The following TBC1D10B variants were observed in gnomAD, a reference collection of about 807,000 sequenced individuals.
TBC1D10B encodes Rab27A-GAPbeta.
In TBC1D10B, 25 loss-of-function variants were observed where a neutral mutation model predicts 78.4. The observed-to-expected ratio is 0.32, with a 90% confidence interval of 0.23 to 0.45. The LOEUF is 0.45. Among genes scored for constraint, TBC1D10B ranks in the 20% least tolerant of loss-of-function variants. The pLI is 1.00. For missense variants in TBC1D10B, 996 were observed against 1,104.8 expected (o/e 0.90, Z 1.40); for synonymous variants, 517 against 478.0 (o/e 1.08, Z -1.06).
intron 4 of TBC1D10B, among the ~76,000 whole-genome samples, chr16:30,362,806 G>C (rs2049607655): frequency 6.6e-6 from 1 of 152,190 alleles, no homozygotes. Flanking sequence ...GGAGGCCGAG[G>C]TGAGCAGATC....
At chr16:30,368,902 C>T (rs1293835256) in intron 1 of TBC1D10B, among the ~76,000 whole-genome samples, 1 of 152,156 alleles carries the variant, frequency 6.6e-6, no homozygotes, top group Non-Finnish European at 1.5e-5. Context: ...GCAGGGATGA[C>T]CTCAGGTATC....
rs768222938 is a variant in TBC1D10B, at chr16:30,364,889, G to A, written c.1271+11C>T. On this transcript the variant is annotated intron_variant, in intron 4 of 8. Coordinates refer to ENST00000409939, the MANE Select transcript of TBC1D10B (RefSeq NM_015527.4). ...GTTTGCTGACTGACCCCCATGGTCC[G>A]GCCACCTTACCCATGCCCCCCTCGA... The A allele has an allele frequency of 5.6e-5, 90 of 1,598,982 alleles. No individual in the cohort carries two copies. Among genetic ancestry groups the A allele is most frequent in the South Asian group, 4.5e-4 (40 of 88,356 alleles).
rs1165177519 is a variant in TBC1D10B at position 30,366,150 on chromosome 16, G to A, written c.957-556C>T. On this transcript the variant is annotated intron_variant, in intron 1 of 8. Transcript: ENST00000409939. ...GAGGCAAGAGGATCACTTGAGGCCAGGAGTTCAAGGCCAGCCTGGGCAACA... is the reference window on the plus strand; with the variant it reads ...GAGGCAAGAGGATCACTTGAGGCCAAGAGTTCAAGGCCAGCCTGGGCAACA... 21 of 153,128 alleles carry A rather than the reference G, an allele frequency of 1.4e-4. 1 individual carries two copies. The highest frequency in any genetic ancestry group is 1.4e-3 in the Admixed American group (21 of 15,436). 9.5% of individuals were successfully genotyped at this position (153,128 alleles called of 1,614,324 possible).
chr16:30,365,637 G>C lies in TBC1D10B; in HGVS notation c.957-43C>G, dbSNP rs750071405. The C allele has an allele frequency of 3.8e-6, 6 of 1,587,472 alleles. No individual in the cohort carries two copies. The African/African-American group carries it at 4.0e-5, about 11-fold the overall frequency. ...CACGGAAGGGGTCAGTAGCAATAGT[G>C]TAAAACCTGCATTGCAGGGGGAACT... On this transcript the variant is annotated intron_variant, in intron 1 of 8. Transcript: ENST00000409939. This position sits in a 1 kb window ranked among gnomAD's most constrained non-coding sequence, Gnocchi z 5.0.
chr16:30,369,665 G>C lies in TBC1D10B; in HGVS notation c.519C>G (p.Pro173=). The change falls in exon 1 of 9, where the codon CCC becomes CCG. Residue 173 remains proline (P), a synonymous_variant. Coordinates refer to ENST00000409939, the MANE Select transcript of TBC1D10B (RefSeq NM_015527.4). This position sits in a 1 kb window ranked among gnomAD's most constrained non-coding sequence, Gnocchi z 4.3. ...CTGAGGCCACTGTGGTTCCCGGCTT[G>C]GGGGCAAGCGGGGGTTTGGCGGTCA... The part of the protein sequence containing the change: ...GALTAKPPLA[P]KPGTTVASGV... 6.5e-7 allele frequency: 1 copy of C among 1,531,534 alleles called. No individual in the cohort carries two copies. The highest frequency in any genetic ancestry group is 1.2e-5 in the South Asian group (1 of 81,764). The allele number at this position is 1,531,534 out of a possible 1,614,324, so 94.9% of individuals were successfully genotyped here. A position where few individuals can be genotyped will look rare whatever the true frequency, so the allele number is the denominator to read the frequency against.
At chr16:30,361,051 A>G (rs939912696) in intron 4 of TBC1D10B, among the ~76,000 whole-genome samples, 17 of 152,140 alleles carry the variant, frequency 1.1e-4, no homozygotes, top group Non-Finnish European at 7.4e-5. Context: ...TTGGGAGGCC[A>G]AGGTGGGTGG....
chr16:30,368,496 AG>A (rs1396806418), intron 1 of TBC1D10B, among the ~76,000 whole-genome samples: 1 of 152,186 alleles, frequency 6.6e-6, no homozygotes, highest in Non-Finnish European at 1.5e-5. Context: ...AAAGGGGCAC[AG>A]GAACAACGGG....
chr16:30,359,593 C>T lies in TBC1D10B; in HGVS notation c.1397G>A (p.Trp466Ter). 6.4e-7 allele frequency: 1 copy of T among 1,561,830 alleles called. No individual in the cohort carries two copies. The highest frequency in any genetic ancestry group is 8.7e-7 in the Non-Finnish European group (1 of 1,153,028). Residue 466 changes from tryptophan (W) to a stop codon, truncating the protein, a stop_gained, in exon 6 of 9, where the codon TGG becomes TAG. Coordinates refer to ENST00000409939, the MANE Select transcript of TBC1D10B (RefSeq NM_015527.4). LOFTEE classifies it high-confidence loss of function. Reference sequence around the variant, plus strand: ...CTTGTCGCAGATCTGCACCAGGCACCAAAAGGCTTGCTGAGAAGAGCAAGA... The same window carrying T: ...CTTGTCGCAGATCTGCACCAGGCACTAAAAGGCTTGCTGAGAAGAGCAAGA... ...LMHMPAEQAF[W>*]CLVQICDKYL...
chr16:30,364,428 G>C (rs973710809), intron 4 of TBC1D10B, among the ~76,000 whole-genome samples: 1 of 151,932 alleles, frequency 6.6e-6, no homozygotes, highest in Non-Finnish European at 1.5e-5. Context: ...GCAACAAAGG[G>C]AGACTCCATC....
chr16:30,363,999 G>C (rs998297904), intron 4 of TBC1D10B, among the ~76,000 whole-genome samples: 4 of 151,720 alleles, frequency 2.6e-5, no homozygotes, highest in African/African-American at 9.7e-5. Context: ...CACCTGTAAT[G>C]CCAGCTACTT....
Position 30,369,579 on chromosome 16 carries a change from G to C in TBC1D10B, c.605C>G (p.Thr202Arg). ...VTGGHGAAAATSASAGQAPED... is the reference protein window; with the variant it reads ...VTGGHGAAAARSASAGQAPED... ...AGGAGCCTGTCCTGCTGATGCTGATGTTGCTGCGGCAGCTCCATGCCCACC... is the reference window on the plus strand; with the variant it reads ...AGGAGCCTGTCCTGCTGATGCTGATCTTGCTGCGGCAGCTCCATGCCCACC... Residue 202 changes from threonine (T) to arginine (R), a missense_variant, in exon 1 of 9, where the codon ACA (threonine) becomes AGA (arginine). By Grantham distance (71) the Thr-to-Arg change is moderately conservative (BLOSUM62 -1). This residue lies in a region of TBC1D10B where 448 missense variants were observed against 442.1 expected (regional missense o/e 1.01). Coordinates refer to ENST00000409939, the MANE Select transcript of TBC1D10B (RefSeq NM_015527.4). The surrounding 1 kb of genome is among the most constrained non-coding windows in gnomAD (Gnocchi z 4.3). The C allele has an allele frequency of 6.5e-7, 1 of 1,532,502 alleles. No homozygotes were observed. Among genetic ancestry groups the C allele is most frequent in the Non-Finnish European group, 8.8e-7 (1 of 1,136,340 alleles). The allele number at this position is 1,532,502 out of a possible 1,614,324, so 94.9% of individuals were successfully genotyped here.
rs565396603 is a variant in TBC1D10B, at chr16:30,370,468, G to C, written c.-285C>G. On this transcript the variant is annotated 5_prime_UTR_variant, in exon 1 of 9. Transcript: ENST00000409939. The stretch of plus-strand genomic sequence containing the variant: ...CCGACCTCGCGCCTGCGCACACGCC[G>C]CAGAGCCGGCTCCGCGCCAGCGTCT... 9.7e-4 allele frequency among the ~76,000 whole-genome samples: 147 copies of C among 152,186 alleles called. 1 individual carries two copies. The highest frequency in any genetic ancestry group is 3.5e-3 in the African/African-American group (147 of 41,558).
At chr16:30,368,408 G>T (rs1346817125) in intron 1 of TBC1D10B, among the ~76,000 whole-genome samples, 1 of 152,174 alleles carries the variant, frequency 6.6e-6, no homozygotes, top group African/African-American at 2.4e-5. Context: ...TCCTTGAAAG[G>T]ACTATTTTAT....
Position 30,365,338 on chromosome 16 carries a change from G to A in TBC1D10B, c.1057-126C>T. 8.2e-7 allele frequency: 1 copy of A among 1,215,566 alleles called. No individual in the cohort carries two copies. The highest frequency in any genetic ancestry group is 1.2e-6 in the Non-Finnish European group (1 of 841,076). The allele number at this position is 1,215,566 out of a possible 1,614,324, so 75.3% of individuals were successfully genotyped here. The stretch of plus-strand genomic sequence containing the variant: ...CATAGGCTTGATTCCACTGGACCTG[G>A]CCTGGACTTCTATTTTTAAAGCCAT... On this transcript the variant is annotated intron_variant, in intron 2 of 8. Coordinates refer to ENST00000409939, the MANE Select transcript of TBC1D10B (RefSeq NM_015527.4). This position sits in a 1 kb window ranked among gnomAD's most constrained non-coding sequence, Gnocchi z 5.0.
chr16:30,361,555 T>G (rs1020731621), intron 4 of TBC1D10B, among the ~76,000 whole-genome samples: 3 of 150,734 alleles, frequency 2.0e-5, no homozygotes, highest in Non-Finnish European at 4.4e-5. Flanking sequence ...TCAGCCTCCC[T>G]ATAAAATGCC....
intron 7 of TBC1D10B, 146 bp from the exon 8 acceptor site, chr16:30,358,963 T>C: frequency 8.0e-7 from 1 of 1,252,362 alleles, no homozygotes; most frequent in Non-Finnish European, 1.1e-6. Context: ...CATGAGCTGC[T>C]ATCAGTCTCA....
chr16:30,365,360 C>T lies in TBC1D10B; in HGVS notation c.1056+135G>A. On this transcript the variant is annotated intron_variant, in intron 2 of 8. Coordinates refer to ENST00000409939, the MANE Select transcript of TBC1D10B (RefSeq NM_015527.4). The surrounding 1 kb of genome is among the most constrained non-coding windows in gnomAD (Gnocchi z 5.0). ...CTGGCCTGGACTTCTATTTTTAAAG[C>T]CATTCCCCCGCCAGGGCCCATCTAT... The T allele has an allele frequency of 2.4e-6, 3 of 1,270,522 alleles. No homozygotes were observed. Among genetic ancestry groups the T allele is most frequent in the Non-Finnish European group, 3.4e-6 (3 of 884,856 alleles). The allele number at this position is 1,270,522 out of a possible 1,614,324, so 78.7% of individuals were successfully genotyped here.
At position 30,370,047 on chromosome 16, in the gene TBC1D10B, G is replaced by A. The variant is rs1330596372; in HGVS notation, c.137C>T (p.Thr46Ile). 4.0e-4 allele frequency: 495 copies of A among 1,229,810 alleles called. 6 individuals carry two copies. The highest frequency in any genetic ancestry group is 4.1e-5 in the Non-Finnish European group (40 of 986,470). The allele number at this position is 1,229,810 out of a possible 1,614,324, so 76.2% of individuals were successfully genotyped here. Residue 46 changes from threonine (T) to isoleucine (I), a missense_variant, in exon 1 of 9, where the codon ACT becomes ATT. This residue lies in a region of TBC1D10B where 448 missense variants were observed against 442.1 expected (regional missense o/e 1.01). Coordinates refer to ENST00000409939, the MANE Select transcript of TBC1D10B (RefSeq NM_015527.4). ...VAPGPPVTTATSAPVTLVAPG... is the reference protein window; with the variant it reads ...VAPGPPVTTAISAPVTLVAPG... ...GGCCACCAGGGTGACGGGGGCCGAA[G>A]TGGCCGTAGTCACTGGAGGTCCCGG...
chr16:30,358,578 A>T lies in TBC1D10B; in HGVS notation c.1798-5T>A. The T allele has an allele frequency of 6.3e-7, 1 of 1,596,440 alleles. No homozygotes were observed. Among genetic ancestry groups the T allele is most frequent in the South Asian group, 1.1e-5 (1 of 89,692 alleles). On this transcript the variant is annotated splice_polypyrimidine_tract_variant and splice_region_variant and intron_variant, in intron 8 of 8. Coordinates refer to ENST00000409939, the MANE Select transcript of TBC1D10B (RefSeq NM_015527.4). ...TGTCACCGGCAGATTGGTCACCTGC[A>T]CAGAGAGGAAATGCGTACCAGAATG... is the stretch of plus-strand genomic sequence containing the variant.
Sources: gnomAD v4.1 joint callset for allele counts (sites outside exome capture counted in the v4.1 genomes callset) on GRCh38, gnomAD v4.1.1 for gene constraint, gnomAD v4.1.1 regional missense constraint, Gnocchi (gnomAD v3.1) non-coding constraint, MANE v1.5 for transcripts, NCBI Gene and HGNC (gene_info 2026-07-23, HGNC 2026-07-21) for gene names.